The following ATOSA variants were observed in gnomAD, a reference collection of about 807,000 sequenced individuals.
ATOSA encodes the protein atos homolog A.
At chr15:52,588,403 A>G in the ATOSA span, among the ~76,000 whole-genome samples, 1 of 152,198 alleles carries the variant, frequency 6.6e-6, no homozygotes, top group East Asian at 1.9e-4. Context: ...CAGGATAACC[A>G]AATGACTATC....
chr15:52,651,364 A>G, the ATOSA span, among the ~76,000 whole-genome samples: 2 of 152,226 alleles, frequency 1.3e-5, no homozygotes, highest in Admixed American at 1.3e-4. Flanking sequence ...TTATAAAAAG[A>G]TTTTGGCACA....
chr15:52,664,873 G>A, the ATOSA span, among the ~76,000 whole-genome samples: 1 of 152,100 alleles, frequency 6.6e-6, no homozygotes, highest in South Asian at 2.1e-4. Context: ...AGGAGTTCAA[G>A]GGTGTAGTGA....
At chr15:52,588,023 A>G in the ATOSA span, among the ~76,000 whole-genome samples, 10 of 152,202 alleles carry the variant, frequency 6.6e-5, no homozygotes, top group Non-Finnish European at 1.3e-4. Context: ...AGTCAAGGTT[A>G]AAGCTAAATT....
the ATOSA span, among the ~76,000 whole-genome samples, chr15:52,634,159 A>G: frequency 6.6e-6 from 1 of 152,168 alleles, no homozygotes; most frequent in Non-Finnish European, 1.5e-5. Flanking sequence ...GGGGCCAGGC[A>G]TGGTGGCTCA....
the ATOSA span, among the ~76,000 whole-genome samples, chr15:52,645,109 T>C: frequency 6.6e-6 from 1 of 152,182 alleles, no homozygotes; most frequent in Non-Finnish European, 1.5e-5. Flanking sequence ...GGGGCAGTCG[T>C]ATGGAGAGAA....
the ATOSA span, chr15:52,656,657 T>C: frequency 2.6e-5 from 4 of 152,060 alleles, no homozygotes; most frequent in Admixed American, 2.6e-4. Context: ...TCATACTACA[T>C]TGTTTAAAAT....
chr15:52,690,259 A>G, the ATOSA span, among the ~76,000 whole-genome samples: 2 of 152,232 alleles, frequency 1.3e-5, no homozygotes, highest in Non-Finnish European at 2.9e-5. Flanking sequence ...ATGTACTAGC[A>G]TTAGGAATTT....
chr15:52,616,183 G>C, the ATOSA span, among the ~76,000 whole-genome samples: 2 of 152,202 alleles, frequency 1.3e-5, no homozygotes, highest in Admixed American at 6.5e-5. Context: ...GCACAGACAG[G>C]TGGCCAGTAG....
chr15:52,652,315 G>A, the ATOSA span, among the ~76,000 whole-genome samples: 1 of 152,142 alleles, frequency 6.6e-6, no homozygotes, highest in Non-Finnish European at 1.5e-5. Flanking sequence ...AGAGAAATTC[G>A]TAAGACAAAA....
chr15:52,650,960 G>T, the ATOSA span, among the ~76,000 whole-genome samples: 3 of 152,098 alleles, frequency 2.0e-5, no homozygotes, highest in African/African-American at 7.2e-5. Flanking sequence ...AAGACCTTTT[G>T]TTTATTAAAA....
chr15:52,591,678 G>A, the ATOSA span, among the ~76,000 whole-genome samples: 10 of 152,262 alleles, frequency 6.6e-5, no homozygotes, highest in South Asian at 6.2e-4. Context: ...CATATTGTAA[G>A]CATTCGAGTA....
the ATOSA span, chr15:52,608,826 C>G: frequency 6.2e-7 from 1 of 1,604,792 alleles, no homozygotes. Flanking sequence ...CATATTTGTT[C>G]AAATATTCAG....
At chr15:52,608,696 C>T in the ATOSA span, 2 of 1,612,406 alleles carry the variant, frequency 1.2e-6, no homozygotes, top group Middle Eastern at 1.7e-4. Flanking sequence ...TTTAATTGGT[C>T]TGACTTTTTA....
the ATOSA span, chr15:52,611,159 A>G: frequency 8.1e-6 from 13 of 1,613,818 alleles, no homozygotes; most frequent in African/African-American, 1.5e-4. Flanking sequence ...GAATAGCACC[A>G]TGAGAAACAC....
At chr15:52,694,737 A>C in the ATOSA span, among the ~76,000 whole-genome samples, 17 of 152,046 alleles carry the variant, frequency 1.1e-4, no homozygotes, top group African/African-American at 4.1e-4. Context: ...CAAAATACAC[A>C]CAATGCCAAA....
chr15:52,611,510 T>C, the ATOSA span: 3 of 1,501,748 alleles, frequency 2.0e-6, no homozygotes, highest in Admixed American at 3.8e-5. Flanking sequence ...ATTAAAATAA[T>C]TTATAAGAAG....
At chr15:52,630,600 C>T in the ATOSA span, among the ~76,000 whole-genome samples, 1 of 152,162 alleles carries the variant, frequency 6.6e-6, no homozygotes, top group African/African-American at 2.4e-5. Context: ...AAGGTACACA[C>T]TGGTGCAAAC....
the ATOSA span, among the ~76,000 whole-genome samples, chr15:52,666,673 G>A: frequency 6.6e-6 from 1 of 152,172 alleles, no homozygotes; most frequent in Non-Finnish European, 1.5e-5. Context: ...CATGCCAAGT[G>A]TTCATTCAAC....
At chr15:52,587,414 C>A in the ATOSA span, 2 of 479,222 alleles carry the variant, frequency 4.2e-6, no homozygotes, top group Non-Finnish European at 7.4e-6. Flanking sequence ...CTGGTGATGT[C>A]GCTATAAAGA....
Sources: gnomAD v4.1 joint callset for allele counts (sites outside exome capture counted in the v4.1 genomes callset) on GRCh38, gnomAD v4.1.1 for gene constraint, MANE v1.5 for transcripts, NCBI Gene and HGNC (gene_info 2026-07-23, HGNC 2026-07-21) for gene names.